TAFA2: variants seen among roughly 807,000 people sequenced by gnomAD.
TAFA2 encodes the protein TAFA chemokine like family member 2.
TAFA2 carries 7 observed loss-of-function variants against 18.8 expected under a neutral mutation model. The observed-to-expected ratio is 0.37, with a 90% CI of 0.21 to 0.70. The LOEUF (loss-of-function observed/expected upper bound fraction) is 0.70. Among genes scored for constraint, TAFA2 ranks in the 30% least tolerant of loss-of-function variants. TAFA2 has a pLI of 0.53. For synonymous variants in TAFA2, 60 were observed against 54.2 expected, an observed-to-expected ratio of 1.11 and a Z score of -0.47; for missense variants, 122 against 158.1, an observed-to-expected ratio of 0.77 and a Z score of 1.23.
chr12:61,846,134 T>C (rs560975002), intron 2 of TAFA2, among the ~76,000 whole-genome samples: 66 of 152,298 alleles, frequency 4.3e-4, no homozygotes, highest in Non-Finnish European at 7.9e-4. Context: ...GCAACAAAAG[T>C]TGATCTTGAA....
chr12:61,725,893 T>A (rs374397627), intron 4 of TAFA2, among the ~76,000 whole-genome samples: 2 of 152,070 alleles, frequency 1.3e-5, no homozygotes, highest in Non-Finnish European at 2.9e-5. Flanking sequence ...ATAAGAATGA[T>A]ACAATAAACT....
chr12:61,724,826 A>G (rs1010153050), intron 4 of TAFA2, among the ~76,000 whole-genome samples: 16 of 146,270 alleles, frequency 1.1e-4, no homozygotes, highest in South Asian at 2.1e-4. Flanking sequence ...GTGTATATGT[A>G]TATACACCCA....
chr12:62,113,648 C>T (rs1869833249), intron 1 of TAFA2, among the ~76,000 whole-genome samples: 1 of 152,182 alleles, frequency 6.6e-6, no homozygotes, highest in Non-Finnish European at 1.5e-5. Context: ...TATCTATAAG[C>T]CCCTGACTGG....
intron 4 of TAFA2, among the ~76,000 whole-genome samples, chr12:61,715,174 T>G (rs901768451): frequency 1.3e-5 from 2 of 152,096 alleles, no homozygotes; most frequent in Admixed American, 1.3e-4. Context: ...ACTTCTTATT[T>G]CTCTAAAAAT....
intron 1 of TAFA2, among the ~76,000 whole-genome samples, chr12:61,938,126 G>C (rs564544835): frequency 6.6e-6 from 1 of 150,578 alleles, no homozygotes; most frequent in South Asian, 2.1e-4. Context: ...TGTATGAATG[G>C]CCATTATTGC....
intron 2 of TAFA2, among the ~76,000 whole-genome samples, chr12:61,788,088 A>T (rs1014882954): frequency 1.3e-5 from 2 of 151,686 alleles, no homozygotes; most frequent in Non-Finnish European, 3.0e-5. Flanking sequence ...CAAGTCAAAA[A>T]GTGTAAAAAG....
At chr12:61,861,198 G>A (rs572423868) in intron 2 of TAFA2, among the ~76,000 whole-genome samples, 19 of 151,216 alleles carry the variant, frequency 1.3e-4, no homozygotes, top group African/African-American at 4.4e-4. Flanking sequence ...GTGATCCACC[G>A]GCTTCCGCCT....
chr12:61,751,355 G>A (rs1169248585), intron 4 of TAFA2, among the ~76,000 whole-genome samples: 1 of 151,996 alleles, frequency 6.6e-6, no homozygotes, highest in Non-Finnish European at 1.5e-5. Context: ...TCCTTTGGTT[G>A]AAAATGTCTA....
chr12:61,934,004 G>C (rs978125430), intron 1 of TAFA2, among the ~76,000 whole-genome samples: 1 of 152,188 alleles, frequency 6.6e-6, no homozygotes, highest in African/African-American at 2.4e-5. Context: ...TTTTATTTCA[G>C]AAAGGTTAAG....
At chr12:61,951,855 G>A (rs1324309860) in intron 1 of TAFA2, among the ~76,000 whole-genome samples, 2 of 150,982 alleles carry the variant, frequency 1.3e-5, no homozygotes, top group East Asian at 3.9e-4. Context: ...TATGGCTTTA[G>A]TCTGAGCTGT....
intron 1 of TAFA2, among the ~76,000 whole-genome samples, chr12:62,236,901 G>C (rs959838136): frequency 1.3e-5 from 2 of 152,062 alleles, no homozygotes; most frequent in Non-Finnish European, 2.9e-5. Flanking sequence ...TGACTTTTGA[G>C]AGTTTATTAT....
chr12:62,255,673 T>G (rs1039968035), intron 1 of TAFA2, among the ~76,000 whole-genome samples: 1 of 151,482 alleles, frequency 6.6e-6, no homozygotes, highest in Non-Finnish European at 1.5e-5. Context: ...GCCAACATGG[T>G]GAAACCCCAT....
chr12:61,751,335 G>C (rs573404897), intron 4 of TAFA2, among the ~76,000 whole-genome samples: 4 of 152,130 alleles, frequency 2.6e-5, no homozygotes, highest in African/African-American at 9.6e-5. Flanking sequence ...TATTTGGAAT[G>C]CCATAGTGTT....
chr12:61,982,452 A>G (rs922563669), intron 1 of TAFA2, among the ~76,000 whole-genome samples: 2 of 152,106 alleles, frequency 1.3e-5, no homozygotes, highest in African/African-American at 4.8e-5. Flanking sequence ...AAAAAAGAAA[A>G]GAAAAGAAAT....
intron 1 of TAFA2, among the ~76,000 whole-genome samples, chr12:62,068,261 T>A (rs890260963): frequency 6.6e-6 from 1 of 152,106 alleles, no homozygotes; most frequent in African/African-American, 2.4e-5. Flanking sequence ...CTATACAAAG[T>A]TAATCTTCAA....
At chr12:62,015,806 T>C (rs1328880604) in intron 1 of TAFA2, among the ~76,000 whole-genome samples, 1 of 152,160 alleles carries the variant, frequency 6.6e-6, no homozygotes, top group East Asian at 1.9e-4. Flanking sequence ...TTTAAACAAG[T>C]AAATCATGGA....
intron 4 of TAFA2, among the ~76,000 whole-genome samples, chr12:61,720,468 G>A (rs532634460): frequency 1.3e-5 from 2 of 152,046 alleles, no homozygotes; most frequent in African/African-American, 4.8e-5. Context: ...TTCAGTGTAC[G>A]GGCCTCACAT....
intron 1 of TAFA2, among the ~76,000 whole-genome samples, chr12:61,913,632 C>T (rs1296306293): frequency 6.6e-6 from 1 of 152,182 alleles, no homozygotes; most frequent in African/African-American, 2.4e-5. Flanking sequence ...TTCCTGACTT[C>T]CGAGTATCTC....
At chr12:62,147,549 G>GA (rs2062294337) in intron 1 of TAFA2, among the ~76,000 whole-genome samples, 1 of 149,682 alleles carries the variant, frequency 6.7e-6, no homozygotes. Context: ...CTAACACAGT[G>GA]AACCCTTGTC....
Sources: gnomAD v4.1 joint callset for allele counts (sites outside exome capture counted in the v4.1 genomes callset) on GRCh38, gnomAD v4.1.1 for gene constraint, MANE v1.5 for transcripts, NCBI Gene and HGNC (gene_info 2026-07-23, HGNC 2026-07-21) for gene names.